LRRK1: variants seen among roughly 807,000 people sequenced by gnomAD.
LRRK1 encodes the protein leucine-rich repeat serine/threonine-protein kinase 1.
LRRK1 carries 113 observed loss-of-function variants against 209.1 expected under a neutral mutation model. That is an observed-to-expected ratio of 0.54 (90% CI 0.46 to 0.63). LRRK1 has a LOEUF of 0.63. Ranked by LOEUF, LRRK1 falls within the 30% of genes least tolerant of loss-of-function variation. LRRK1 has a pLI of 0.00. For missense variants in LRRK1, 2,284 were observed against 2,632.2 expected (o/e 0.87, Z 2.89); for synonymous variants, 1,144 against 1,099.7 (o/e 1.04, Z -0.80).
chr15:100,928,798 C>G (rs1266170256), intron 2 of LRRK1, among the ~76,000 whole-genome samples: 2 of 152,118 alleles, frequency 1.3e-5, no homozygotes, highest in Non-Finnish European at 2.9e-5. Flanking sequence ...TTTCAAAGCC[C>G]CTGGATGTGG....
In LRRK1 at chr15:101,077,658, A is replaced by G. The variant is rs931186546; in HGVS notation, c.*8810A>G. On this transcript the variant is annotated 3_prime_UTR_variant, in exon 34 of 34. Coordinates refer to ENST00000388948, the MANE Select transcript of LRRK1 (RefSeq NM_024652.6). ...GCACAATATCACCCCTTACCACAAG[A>G]CCTCCCTTCAGCTTAATCTCTCCCA... The G allele has an allele frequency of 6.6e-6, 1 of 151,762 alleles. No homozygotes were observed. The highest frequency in any genetic ancestry group is 6.6e-5 in the Admixed American group (1 of 15,232). The allele number at this position is 151,762 out of a possible 1,614,324, so 9.4% of individuals were successfully genotyped here.
At chr15:100,985,858 T>C (rs2031837308) in intron 4 of LRRK1, among the ~76,000 whole-genome samples, 1 of 150,752 alleles carries the variant, frequency 6.6e-6, no homozygotes, top group Non-Finnish European at 1.5e-5. Flanking sequence ...GTTCCCAAGC[T>C]GGAAGGGAAG....
intron 12 of LRRK1, among the ~76,000 whole-genome samples, chr15:101,019,009 T>C (rs2033664945): frequency 6.6e-6 from 1 of 152,194 alleles, no homozygotes; most frequent in African/African-American, 2.4e-5. Flanking sequence ...CCAAAAATAA[T>C]TTGGATGGCC....
chr15:100,961,465 C>T (rs979784809), intron 2 of LRRK1, among the ~76,000 whole-genome samples: 3 of 151,938 alleles, frequency 2.0e-5, no homozygotes, highest in Admixed American at 6.5e-5. Flanking sequence ...CCATACTGGC[C>T]AACATGGTGA....
At chr15:100,944,475 T>C (rs541173421) in intron 2 of LRRK1, among the ~76,000 whole-genome samples, 7 of 152,214 alleles carry the variant, frequency 4.6e-5, no homozygotes, top group Non-Finnish European at 8.8e-5. Flanking sequence ...TTTACAAGGA[T>C]GGGTTTGTGG....
At chr15:100,962,823 A>ATATTTTTTTT in intron 2 of LRRK1, among the ~76,000 whole-genome samples, 1 of 11,548 alleles carries the variant, frequency 8.7e-5, no homozygotes, top group East Asian at 1.4e-3. Context: ...ATATATATAT[A>ATATTTTTTTT]TTTTTTTTTT....
chr15:101,025,892 C>A, intron 16 of LRRK1, 73 bp from the exon 17 acceptor site: 1 of 1,541,550 alleles, frequency 6.5e-7, no homozygotes, highest in Non-Finnish European at 8.9e-7. Flanking sequence ...CGCACCTGCA[C>A]AGCTGGGAGC....
Position 101,021,967 on chromosome 15 carries a change from C to T in LRRK1, c.1852+10C>T, listed in dbSNP as rs2033816037. On this transcript the variant is annotated intron_variant, in intron 14 of 33. Coordinates refer to ENST00000388948, the MANE Select transcript of LRRK1 (RefSeq NM_024652.6). ...GAAATCCAAAAAGAAGGTAGGGCTT[C>T]CGCAGCCCTGTCCCCTGCCATCACC... is the stretch of plus-strand genomic sequence containing the variant. 3.8e-6 allele frequency: 6 copies of T among 1,583,538 alleles called. No homozygotes were observed. Among genetic ancestry groups the T allele is most frequent in the Non-Finnish European group, 5.2e-6 (6 of 1,152,658 alleles).
intron 2 of LRRK1, among the ~76,000 whole-genome samples, chr15:100,964,781 T>TAC (rs35276283): frequency 4.8e-4 from 66 of 138,734 alleles, no homozygotes; most frequent in African/African-American, 7.9e-4. Flanking sequence ...AGAAGAGAAA[T>TAC]ACACACACAC....
At chr15:100,945,008 T>A (rs1217500173) in intron 2 of LRRK1, among the ~76,000 whole-genome samples, 1 of 152,230 alleles carries the variant, frequency 6.6e-6, no homozygotes, top group Non-Finnish European at 1.5e-5. Flanking sequence ...ATTAAGGGTG[T>A]CATTGGCCTC....
chr15:101,066,492 G>T, intron 32 of LRRK1, 148 bp from the exon 33 acceptor site: 1 of 820,814 alleles, frequency 1.2e-6, no homozygotes. Flanking sequence ...CCTCTGCTTT[G>T]AAGTCTGTCC....
At chr15:101,031,450 C>G (rs935662069) in intron 20 of LRRK1, among the ~76,000 whole-genome samples, 3 of 152,226 alleles carry the variant, frequency 2.0e-5, no homozygotes, top group Admixed American at 6.5e-5. Context: ...TTTGTTCTTT[C>G]TGTTGCTGAG....
chr15:101,035,442 T>C (rs912301288), intron 20 of LRRK1, among the ~76,000 whole-genome samples: 1 of 152,206 alleles, frequency 6.6e-6, no homozygotes, highest in African/African-American at 2.4e-5. Context: ...TTAAAGTCTG[T>C]TTTGTCTGAT....
chr15:100,926,680 C>CTTTTTT (rs71151990), intron 2 of LRRK1, among the ~76,000 whole-genome samples: 45 of 81,832 alleles, frequency 5.5e-4, no homozygotes, highest in Non-Finnish European at 6.7e-4. Context: ...TTCTTTTTTT[C>CTTTTTT]TTTTTTTTTT....
chr15:100,987,870 G>A (rs868590142), intron 4 of LRRK1, among the ~76,000 whole-genome samples: 1 of 152,312 alleles, frequency 6.6e-6, no homozygotes, highest in East Asian at 1.9e-4. Context: ...CTAGGGGAGG[G>A]GTGAGGGCAG....
intron 20 of LRRK1, among the ~76,000 whole-genome samples, chr15:101,037,957 A>G (rs1324541865): frequency 3.3e-5 from 5 of 152,276 alleles, no homozygotes; most frequent in Non-Finnish European, 7.3e-5. Context: ...TTGCAAAAAT[A>G]TGGAACCATC....
intron 2 of LRRK1, among the ~76,000 whole-genome samples, chr15:100,973,452 C>T (rs1341393406): frequency 6.6e-6 from 1 of 152,170 alleles, no homozygotes; most frequent in Non-Finnish European, 1.5e-5. Flanking sequence ...TGGCTGAGAC[C>T]CGCGGCTCTC....
At chr15:101,019,573 G>A (rs1171222386) in intron 12 of LRRK1, among the ~76,000 whole-genome samples, 1 of 152,160 alleles carries the variant, frequency 6.6e-6, no homozygotes, top group Non-Finnish European at 1.5e-5. Flanking sequence ...TGTTCTCAGA[G>A]GCCAGGTTAC....
intron 31 of LRRK1, among the ~76,000 whole-genome samples, chr15:101,063,278 G>A (rs929262637): frequency 8.5e-5 from 13 of 152,146 alleles, no homozygotes; most frequent in African/African-American, 3.1e-4. Flanking sequence ...CTTGGGATTA[G>A]CCCCAGCCTC....
Sources: gnomAD v4.1 joint callset for allele counts (sites outside exome capture counted in the v4.1 genomes callset) on GRCh38, gnomAD v4.1.1 for gene constraint, MANE v1.5 for transcripts, NCBI Gene and HGNC (gene_info 2026-07-23, HGNC 2026-07-21) for gene names.